RFC3: variants seen among roughly 807,000 people sequenced by gnomAD.
The protein encoded by RFC3 is replication factor C subunit 3.
RFC3 carries 41 observed loss-of-function variants against 45.1 expected under a neutral mutation model. That is an observed-to-expected ratio of 0.91 (90% CI 0.71 to 1.18). The LOEUF is 1.18. Ranked by LOEUF, RFC3 falls within the 50% of genes most tolerant of loss-of-function variation. RFC3 has a pLI of 0.00. For synonymous variants in RFC3, 149 were observed against 144.0 expected (o/e 1.03, Z -0.25); for missense variants, 423 against 428.1 (o/e 0.99, Z 0.10).
chr13:33,911,521 T>C (rs2082703747), intron 8 of RFC3, among the ~76,000 whole-genome samples: 1 of 151,982 alleles, frequency 6.6e-6, no homozygotes, highest in African/African-American at 2.4e-5. Flanking sequence ...AAAAAAGAGG[T>C]GTATTTAGCT....
At chr13:33,834,298 GTATATATATATATATA>G (rs58858615) in intron 7 of RFC3, among the ~76,000 whole-genome samples, 3 of 109,220 alleles carry the variant, frequency 2.7e-5, no homozygotes, top group African/African-American at 8.3e-5. Context: ...TGTACTGTGT[GTATATATATATATATA>G]TATATATATA....
chr13:33,829,624 T>C (rs2082082574), intron 4 of RFC3: 5 of 563,432 alleles, frequency 8.9e-6, no homozygotes, highest in Non-Finnish European at 3.1e-6. Context: ...AAAATATTTA[T>C]ATGATCTGAA....
At chr13:33,950,643 A>G (rs2082983719) in intron 8 of RFC3, among the ~76,000 whole-genome samples, 1 of 152,222 alleles carries the variant, frequency 6.6e-6, no homozygotes, top group African/African-American at 2.4e-5. Flanking sequence ...ACACAGGTCA[A>G]CTGAGCTGAG....
At chr13:33,885,224 TTA>T (rs1452434722) in intron 8 of RFC3, among the ~76,000 whole-genome samples, 1 of 152,180 alleles carries the variant, frequency 6.6e-6, no homozygotes, top group African/African-American at 2.4e-5. Context: ...TCACATTATA[TTA>T]TCACATCATA....
At chr13:33,933,723 G>GA (rs58161247) in intron 8 of RFC3, among the ~76,000 whole-genome samples, 19,149 of 148,442 alleles carry the variant, frequency 0.13, 2,488 homozygotes, top group African/African-American at 0.34. Flanking sequence ...GACCGGCTTG[G>GA]AAAAAAAAAA....
chr13:33,854,124 T>C (rs1363472579), intron 8 of RFC3, among the ~76,000 whole-genome samples: 2 of 152,228 alleles, frequency 1.3e-5, no homozygotes, highest in African/African-American at 4.8e-5. Flanking sequence ...TTTTGTTAAC[T>C]GTCTGATGGA....
intron 8 of RFC3, among the ~76,000 whole-genome samples, chr13:33,931,806 G>A (rs143113908): frequency 9.9e-5 from 15 of 151,962 alleles, no homozygotes; most frequent in African/African-American, 3.4e-4. Flanking sequence ...AGTCACCTAC[G>A]TTTGCTTTTT....
At chr13:33,861,175 A>G (rs2137535938) in intron 8 of RFC3, among the ~76,000 whole-genome samples, 1 of 152,354 alleles carries the variant, frequency 6.6e-6, no homozygotes, top group South Asian at 2.1e-4. Context: ...AAGGGGAAAA[A>G]GATTTGTAAA....
chr13:33,865,812 G>A (rs2082369479), intron 8 of RFC3, among the ~76,000 whole-genome samples: 1 of 152,142 alleles, frequency 6.6e-6, no homozygotes, highest in Non-Finnish European at 1.5e-5. Flanking sequence ...CCAGCACTTT[G>A]GGAGGCTGAG....
intron 4 of RFC3, among the ~76,000 whole-genome samples, chr13:33,827,309 C>T (rs1343390537): frequency 4.6e-5 from 7 of 152,082 alleles, no homozygotes. Context: ...CAAAACAAAA[C>T]TGTTCTGCAT....
In RFC3 at chr13:33,953,957, G is replaced by A. The variant is rs145818071; in HGVS notation, c.880-12130G>A. On this transcript the variant is annotated intron_variant, in intron 8 of 8. Transcript: ENST00000434425. ...TGTTCCCTTTTAAGTTTAAAAGATAGGTGTTGCATAACTCTGAAAATCTGG... is the reference window on the plus strand; with the variant it reads ...TGTTCCCTTTTAAGTTTAAAAGATAAGTGTTGCATAACTCTGAAAATCTGG... Among the ~76,000 whole-genome samples the A allele has an allele frequency of 2.8e-3, 420 of 152,280 alleles. 4 individuals are homozygous for A. Among genetic ancestry groups the A allele is most frequent in the African/African-American group, 9.5e-3 (393 of 41,562 alleles).
At chr13:33,927,445 T>C (rs1308337592) in intron 8 of RFC3, among the ~76,000 whole-genome samples, 2 of 152,116 alleles carry the variant, frequency 1.3e-5, no homozygotes, top group African/African-American at 2.4e-5. Context: ...AGGTAAAACT[T>C]GTCATCTTAA....
chr13:33,925,118 G>T (rs896430666), intron 8 of RFC3, among the ~76,000 whole-genome samples: 4 of 147,754 alleles, frequency 2.7e-5, no homozygotes, highest in Non-Finnish European at 5.9e-5. Context: ...CATATATAGT[G>T]TACATATATA....
chr13:33,895,846 T>A (rs1028083023), intron 8 of RFC3, among the ~76,000 whole-genome samples: 1 of 152,082 alleles, frequency 6.6e-6, no homozygotes, highest in Non-Finnish European at 1.5e-5. Context: ...CAAAAAATAA[T>A]GTCTTTTGCA....
At chr13:33,968,861 C>G (rs2083099545), downstream of RFC3, among the ~76,000 whole-genome samples, 1 of 152,190 alleles carries the variant, frequency 6.6e-6, no homozygotes, top group Admixed American at 6.5e-5. Flanking sequence ...GAACAAGGCT[C>G]TGAAGTTTTA....
chr13:33,899,808 ACTG>A (rs1426903018), intron 8 of RFC3, among the ~76,000 whole-genome samples: 3 of 152,000 alleles, frequency 2.0e-5, no homozygotes, highest in Non-Finnish European at 4.4e-5. Flanking sequence ...AACTGTTAGA[ACTG>A]ATAAATAAAT....
chr13:33,969,276 G>T (rs1408701891), downstream of RFC3, among the ~76,000 whole-genome samples: 1 of 152,194 alleles, frequency 6.6e-6, no homozygotes, highest in Non-Finnish European at 1.5e-5. Flanking sequence ...CAAAGCTAAA[G>T]CAATTAGTTC....
downstream of RFC3, among the ~76,000 whole-genome samples, chr13:33,971,353 G>C (rs948314416): frequency 6.6e-6 from 1 of 152,120 alleles, no homozygotes; most frequent in Non-Finnish European, 1.5e-5. Context: ...CAAATTAATA[G>C]GAATAAAATA....
Position 33,865,578 on chromosome 13 carries a change from A to C in RFC3, c.879+30361A>C, listed in dbSNP as rs79134784. Among the ~76,000 whole-genome samples, 3 of 152,360 alleles carry C rather than the reference A, an allele frequency of 2.0e-5. No individual in the cohort carries two copies. In the East Asian group the frequency reaches 5.8e-4, roughly 29 times the overall value. On this transcript the variant is annotated intron_variant, in intron 8 of 8. Coordinates refer to the RFC3 transcript ENST00000434425. ...GAGGGAAAAGCATAATTATAGACCA[A>C]TGTATTTATCAATCAATCAATCAAT...
Sources: gnomAD v4.1 joint callset for allele counts (sites outside exome capture counted in the v4.1 genomes callset) on GRCh38, gnomAD v4.1.1 for gene constraint, MANE v1.5 for transcripts, NCBI Gene and HGNC (gene_info 2026-07-23, HGNC 2026-07-21) for gene names.